The following AGAP1 variants were observed in gnomAD, a reference collection of about 807,000 sequenced individuals.
AGAP1 encodes the protein ArfGAP with GTPase domain, ankyrin repeat and PH domain 1.
A neutral mutation model predicts 105.3 loss-of-function variants in AGAP1; 29 were observed. That is an observed-to-expected ratio of 0.28 (90% confidence interval 0.21 to 0.38). AGAP1 has a LOEUF of 0.38. AGAP1 is among the 10% of genes least tolerant of loss of function. AGAP1 has a pLI of 1.00. For synonymous variants in AGAP1, 509 were observed against 485.9 expected, an observed-to-expected ratio of 1.05 and a Z score of -0.63; for missense variants, 998 against 1,165.1, an observed-to-expected ratio of 0.86 and a Z score of 2.09.
intron 11 of AGAP1, among the ~76,000 whole-genome samples, chr2:235,924,161 CTAAGGTAGTATCT>C (rs1198937152): frequency 5.3e-5 from 8 of 152,218 alleles, no homozygotes; most frequent in Middle Eastern, 3.4e-3. Flanking sequence ...TACCTTAAGT[CTAAGGTAGTATCT>C]TAAGGTAGTA....
chr2:235,741,658 T>G lies in AGAP1; in HGVS notation c.396+610T>G, dbSNP rs1441294219. On this transcript the variant is annotated intron_variant, in intron 4 of 17. Coordinates refer to ENST00000304032, the MANE Select transcript of AGAP1 (RefSeq NM_001037131.3). The surrounding 1 kb of genome is among the most constrained non-coding windows in gnomAD (Gnocchi z 4.9). ...TTTGGTTTATTTAACCTGCTTTGTT[T>G]TACTTACAGCATAATTTACCAGTTA... Among the ~76,000 whole-genome samples the G allele has an allele frequency of 6.6e-6, 1 of 152,212 alleles. No homozygotes were observed. The highest frequency in any genetic ancestry group is 1.5e-5 in the Non-Finnish European group (1 of 68,030).
At position 236,040,857 on chromosome 2, in the gene AGAP1, G is replaced by A. The variant is rs752694766; in HGVS notation, c.1891+16G>A. 6.2e-7 allele frequency: 1 copy of A among 1,613,902 alleles called. No individual in the cohort carries two copies. The highest frequency in any genetic ancestry group is 8.5e-7 in the Non-Finnish European group (1 of 1,179,800). On this transcript the variant is annotated intron_variant, in intron 15 of 17. Transcript: ENST00000304032. The surrounding 1 kb of genome is among the most constrained non-coding windows in gnomAD (Gnocchi z 5.6). ...GAGACCCAGAGTAAGTGTGTGCGGT[G>A]GTAGCAGGGGCTGGCGCTGTGTAGC...
intron 1 of AGAP1, among the ~76,000 whole-genome samples, chr2:235,652,785 A>G (rs1038384063): frequency 3.9e-5 from 6 of 151,962 alleles, no homozygotes; most frequent in Admixed American, 3.3e-4. Flanking sequence ...CCAGCTACTC[A>G]GGAGGCTGAG....
intron 16 of AGAP1, among the ~76,000 whole-genome samples, chr2:236,118,929 A>G (rs1198911064): frequency 6.6e-6 from 1 of 151,950 alleles, no homozygotes; most frequent in Non-Finnish European, 1.5e-5. Flanking sequence ...ATCAGTAGCC[A>G]CAAAGTACAG....
At chr2:235,795,202 T>TG (rs1351423425) in intron 6 of AGAP1, among the ~76,000 whole-genome samples, 3 of 152,156 alleles carry the variant, frequency 2.0e-5, no homozygotes, top group Non-Finnish European at 4.4e-5. Flanking sequence ...CTGGGTTGTG[T>TG]GGGGAAGGAC....
At position 235,752,761 on chromosome 2, in the gene AGAP1, A is replaced by G. The variant is rs1367354853; in HGVS notation, c.673+2273A>G. On this transcript the variant is annotated intron_variant, in intron 6 of 17. Transcript: ENST00000304032. The surrounding 1 kb of genome is among the most constrained non-coding windows in gnomAD (Gnocchi z 4.3). ...CCATAAATTGATGAGTGCTTCTTAT[A>G]AAAATAATGTTGTCAATTAATGAAT... is the stretch of plus-strand genomic sequence containing the variant. Among the ~76,000 whole-genome samples the G allele has an allele frequency of 1.3e-5, 2 of 152,216 alleles. No individual in the cohort carries two copies. Among genetic ancestry groups the G allele is most frequent in the South Asian group, 2.1e-4 (1 of 4,832 alleles).
intron 3 of AGAP1, among the ~76,000 whole-genome samples, chr2:235,730,473 C>CT (rs1238517022): frequency 0.011 from 965 of 88,954 alleles, 23 homozygotes; most frequent in African/African-American, 0.035. Flanking sequence ...TTTTGTTTAC[C>CT]TTTTAAAAAA....
Position 236,062,660 on chromosome 2 carries a change from TTG to T in AGAP1, c.2114+13381_2114+13382del, listed in dbSNP as rs1245581971. On this transcript the variant is annotated intron_variant, in intron 16 of 17. Coordinates refer to ENST00000304032, the MANE Select transcript of AGAP1 (RefSeq NM_001037131.3). This position sits in a 1 kb window ranked among gnomAD's most constrained non-coding sequence, Gnocchi z 4.2. Reference sequence around the variant, plus strand: ...TCAGCTATTTTGTTTGTTTGTTTGTTTGTTTTTGTTTGTTTGTTTGAGATGGA... The same window carrying T: ...TCAGCTATTTTGTTTGTTTGTTTGTTTTTTTGTTTGTTTGTTTGAGATGGA... Among the ~76,000 whole-genome samples the T allele has an allele frequency of 6.7e-6, 1 of 148,364 alleles. No individual in the cohort carries two copies. The highest frequency in any genetic ancestry group is 2.0e-4 in the East Asian group (1 of 5,110).
At chr2:236,011,003 C>A (rs992998666) in intron 13 of AGAP1, among the ~76,000 whole-genome samples, 4 of 152,092 alleles carry the variant, frequency 2.6e-5, no homozygotes, top group Non-Finnish European at 5.9e-5. Context: ...GCTGAGATGG[C>A]GCCACTGCAC....
rs567010168 is a variant in AGAP1 at position 235,951,696 on chromosome 2, G to A, written c.1484-16766G>A. ...TCTCACTGATTCATTCTCGGGAATC[G>A]CTTGTTGTCTGTTGGTACAAAATAA... On this transcript the variant is annotated intron_variant, in intron 12 of 17. Transcript: ENST00000304032. The surrounding 1 kb of genome is among the most constrained non-coding windows in gnomAD (Gnocchi z 4.2). Among the ~76,000 whole-genome samples the A allele has an allele frequency of 5.6e-4, 86 of 152,222 alleles. No individual in the cohort carries two copies. The highest frequency in any genetic ancestry group is 2.0e-3 in the African/African-American group (83 of 41,554).
At chr2:235,711,713 T>C (rs989409874) in intron 2 of AGAP1, among the ~76,000 whole-genome samples, 2 of 152,134 alleles carry the variant, frequency 1.3e-5, no homozygotes, top group African/African-American at 4.8e-5. Flanking sequence ...AGCAGATCCC[T>C]TGTGTGCTGA....
rs1032304766 is a variant in AGAP1 at position 235,734,627 on chromosome 2, C to G, written c.311-6336C>G. The stretch of plus-strand genomic sequence containing the variant: ...AGACAGGTGTCTGTCTTTTTAGTTT[C>G]CTAAGCACAGTGATGATTATTGGAG... On this transcript the variant is annotated intron_variant, in intron 3 of 17. Transcript: ENST00000304032. The surrounding 1 kb of genome is among the most constrained non-coding windows in gnomAD (Gnocchi z 5.3). Among the ~76,000 whole-genome samples the G allele has an allele frequency of 1.3e-5, 2 of 152,110 alleles. No individual in the cohort carries two copies. Among genetic ancestry groups the G allele is most frequent in the African/African-American group, 4.8e-5 (2 of 41,432 alleles).
In AGAP1 at chr2:235,532,315, C is replaced by T. The variant is rs543984782; in HGVS notation, c.163+37466C>T. Among the ~76,000 whole-genome samples, 3 of 152,346 alleles carry T rather than the reference C, an allele frequency of 2.0e-5. No homozygotes were observed. The South Asian group carries it at 6.2e-4, about 32-fold the overall frequency. On this transcript the variant is annotated intron_variant, in intron 1 of 17. Transcript: ENST00000304032. ...CACTGCAACCTCTGCCTGCCCAGCT[C>T]AAGTGATCCTCTCACCTCCACCTCC...
chr2:235,722,733 T>G lies in AGAP1; in HGVS notation c.310+5089T>G, dbSNP rs117288901. On this transcript the variant is annotated intron_variant, in intron 3 of 17. Transcript: ENST00000304032. Reference sequence around the variant, plus strand: ...CAGGGGTTAGGGCTTGAACGTATCTTCTAGGGGATACAATTCAACCCACAG... The same window carrying G: ...CAGGGGTTAGGGCTTGAACGTATCTGCTAGGGGATACAATTCAACCCACAG... Among the ~76,000 whole-genome samples, 28 of 152,248 alleles carry G rather than the reference T, an allele frequency of 1.8e-4. No homozygotes were observed. The East Asian group carries it at 5.2e-3, about 28-fold the overall frequency.
rs1949627232 is a variant in AGAP1 at position 235,689,353 on chromosome 2, T to TGCA, written c.164-19825_164-19824insCAG. Among the ~76,000 whole-genome samples, 1 of 152,234 alleles carries TGCA rather than the reference T, an allele frequency of 6.6e-6. No individual in the cohort carries two copies. ...CGCGGGCCTGGAGTGAGCCTGCTGC[T>TGCA]GTTCATCGGCCCGTAGGGTCTCCAG... is the stretch of plus-strand genomic sequence containing the variant. On this transcript the variant is annotated intron_variant, in intron 1 of 17. Coordinates refer to ENST00000304032, the MANE Select transcript of AGAP1 (RefSeq NM_001037131.3). This position sits in a 1 kb window ranked among gnomAD's most constrained non-coding sequence, Gnocchi z 4.2.
At chr2:236,071,613 G>T (rs2058499706) in intron 16 of AGAP1, among the ~76,000 whole-genome samples, 1 of 152,272 alleles carries the variant, frequency 6.6e-6, no homozygotes, top group Non-Finnish European at 1.5e-5. Context: ...GCAGTGCGAT[G>T]CAGGAAGACC....
chr2:235,564,123 T>G (rs1944260642), intron 1 of AGAP1, among the ~76,000 whole-genome samples: 1 of 152,208 alleles, frequency 6.6e-6, no homozygotes, highest in East Asian at 1.9e-4. Flanking sequence ...ACGTTTTTTC[T>G]TTAGTCCACA....
rs569133488 is a variant in AGAP1, at chr2:236,020,963, C to T, written c.1646-15598C>T. Among the ~76,000 whole-genome samples the T allele has an allele frequency of 2.6e-5, 4 of 152,060 alleles. No homozygotes were observed. Among genetic ancestry groups the T allele is most frequent in the Admixed American group, 2.6e-4 (4 of 15,272 alleles). ...GGTGGATCACTTGAGGTCAGACATT[C>T]GAGACCAGCCTGGTCAACGTGGTGA... is the stretch of plus-strand genomic sequence containing the variant. On this transcript the variant is annotated intron_variant, in intron 13 of 17. Transcript: ENST00000304032. This position sits in a 1 kb window ranked among gnomAD's most constrained non-coding sequence, Gnocchi z 5.0.
Position 235,904,355 on chromosome 2 carries a change from G to T in AGAP1, c.1156-4383G>T, listed in dbSNP as rs185428716. On this transcript the variant is annotated intron_variant, in intron 10 of 17. Transcript: ENST00000304032. This position sits in a 1 kb window ranked among gnomAD's most constrained non-coding sequence, Gnocchi z 4.2. Reference sequence around the variant, plus strand: ...GGCGCCTGCTTGGAAAAAATAAGCCGCATGATGATCATGGACAACTTGAGA... The same window carrying T: ...GGCGCCTGCTTGGAAAAAATAAGCCTCATGATGATCATGGACAACTTGAGA... Among the ~76,000 whole-genome samples, 1 of 152,048 alleles carries T rather than the reference G, an allele frequency of 6.6e-6. No homozygotes were observed.
Sources: allele counts gnomAD v4.1 joint callset (sites outside exome capture counted in the v4.1 genomes callset), GRCh38; gene constraint gnomAD v4.1.1; non-coding constraint Gnocchi (gnomAD v3.1); transcripts MANE v1.5; gene names NCBI Gene and HGNC (gene_info 2026-07-23, HGNC 2026-07-21).